IL1RL2: variants seen among roughly 807,000 people sequenced by gnomAD.
IL1RL2 encodes interleukin 1 receptor like 2, also known as interleukin-1 receptor-like 2.
In IL1RL2, 68 loss-of-function variants were observed where a neutral mutation model predicts 66.8. The ratio of observed to expected loss-of-function variants is 1.02; its 90% CI spans 0.84 to 1.25. The LOEUF is 1.25. Ranked by LOEUF, IL1RL2 falls within the 50% of genes most tolerant of loss-of-function variation. The pLI is 0.00. For missense variants in IL1RL2, 729 were observed against 709.3 expected, an observed-to-expected ratio of 1.03 and a Z score of -0.32; for synonymous variants, 305 against 264.6, an observed-to-expected ratio of 1.15 and a Z score of -1.48.
chr2:102,223,274 C>T (rs1690303364), intron 8 of IL1RL2, among the ~76,000 whole-genome samples: 1 of 152,192 alleles, frequency 6.6e-6, no homozygotes, highest in South Asian at 2.1e-4. Flanking sequence ...AAGGTTATAG[C>T]TTCTCCATTT....
chr2:102,214,711 G>T (rs1689453260), intron 6 of IL1RL2, among the ~76,000 whole-genome samples: 1 of 137,594 alleles, frequency 7.3e-6, no homozygotes, highest in Non-Finnish European at 1.7e-5. Flanking sequence ...TGTCAAAAAT[G>T]CTGGAAACAG....
rs570919159 is a variant in IL1RL2, at chr2:102,209,400, A to G, written c.650-2700A>G. Among the ~76,000 whole-genome samples, 3 of 152,358 alleles carry G rather than the reference A, an allele frequency of 2.0e-5. No individual in the cohort carries two copies. The South Asian group carries it at 6.2e-4, about 32-fold the overall frequency. On this transcript the variant is annotated intron_variant, in intron 5 of 11. Coordinates refer to ENST00000264257, the MANE Select transcript of IL1RL2 (RefSeq NM_003854.4). ...GGTCTGGGAAGGCTTCCAAGAGGAA[A>G]GGAGTTCTCAGCTGAATTTTGAAGA...
chr2:102,188,045 G>T, intron 2 of IL1RL2, 120 bp downstream of exon 2: 6 of 904,532 alleles, frequency 6.6e-6, no homozygotes, highest in South Asian at 2.7e-5. Flanking sequence ...TCCCCAGACC[G>T]CCAGGCGGAG....
At chr2:102,187,456 C>G (rs979226367) in intron 1 of IL1RL2, 1 of 994,448 alleles carries the variant, frequency 1.0e-6, no homozygotes, top group East Asian at 6.9e-5. Flanking sequence ...CCGTGCGCCG[C>G]GAGCGGGGTT....
At chr2:102,200,640 C>G (rs558718784) in intron 4 of IL1RL2, among the ~76,000 whole-genome samples, 1 of 152,180 alleles carries the variant, frequency 6.6e-6, no homozygotes, top group African/African-American at 2.4e-5. Context: ...AGCAGTCACT[C>G]TGTGGACTGC....
At chr2:102,225,782 C>A in intron 8 of IL1RL2, 116 bp from the exon 9 acceptor site, 1 of 773,694 alleles carries the variant, frequency 1.3e-6, no homozygotes, top group Non-Finnish European at 1.8e-6. Flanking sequence ...TCATTGACAT[C>A]CAAAACCTTT....
At position 102,189,251 on chromosome 2, in the gene IL1RL2, T is replaced by C. The variant is rs142912252; in HGVS notation, c.234T>C (p.Thr78=). The C allele has an allele frequency of 2.5e-5, 41 of 1,613,880 alleles. No individual in the cohort carries two copies. Among genetic ancestry groups the C allele is most frequent in the African/African-American group, 1.9e-4 (14 of 74,946 alleles). ...AGTCTAGAATTCACCAGGACGAGAC[T>C]TGGATTTTGTTTCTCCCCATGGAAT... ...IIQSRIHQDE[T]WILFLPMEWG... The change falls in exon 3 of 12, where the codon ACT becomes ACC. Residue 78 remains threonine (T), a synonymous_variant. Coordinates refer to ENST00000264257, the MANE Select transcript of IL1RL2 (RefSeq NM_003854.4).
chr2:102,201,453 G>T (rs934865001), intron 4 of IL1RL2, 103 bp from the exon 5 acceptor site: 2 of 993,332 alleles, frequency 2.0e-6, no homozygotes. Flanking sequence ...TAGCTAGCTA[G>T]CTATCTGTTG....
intron 5 of IL1RL2, 99 bp from the exon 6 acceptor site, chr2:102,212,001 G>A: frequency 1.4e-6 from 1 of 712,108 alleles, no homozygotes; most frequent in South Asian, 2.0e-5. Context: ...AGAGCTTATT[G>A]ATGGTCTGCT....
intron 5 of IL1RL2, among the ~76,000 whole-genome samples, chr2:102,209,665 G>A (rs1688992496): frequency 6.6e-6 from 1 of 152,210 alleles, no homozygotes; most frequent in Non-Finnish European, 1.5e-5. Flanking sequence ...TGCAGCCACT[G>A]AAGGGCCCTG....
intron 4 of IL1RL2, among the ~76,000 whole-genome samples, chr2:102,200,977 C>A (rs1688203570): frequency 6.6e-6 from 1 of 152,076 alleles, no homozygotes; most frequent in South Asian, 2.1e-4. Flanking sequence ...TTATTTTGGA[C>A]TTCTATAAAG....
At chr2:102,214,190 A>G (rs886807739) in intron 6 of IL1RL2, among the ~76,000 whole-genome samples, 4 of 152,198 alleles carry the variant, frequency 2.6e-5, no homozygotes, top group African/African-American at 9.6e-5. Context: ...TAGCCAATGT[A>G]TTTAGACAAT....
chr2:102,210,120 GATAAT>G (rs1689036864), intron 5 of IL1RL2, among the ~76,000 whole-genome samples: 1 of 152,196 alleles, frequency 6.6e-6, no homozygotes, highest in East Asian at 1.9e-4. Context: ...AAAGCTTTCT[GATAAT>G]AGTGATGCTG....
chr2:102,233,223 C>G, intron 10 of IL1RL2, 99 bp downstream of exon 10: 2 of 1,173,152 alleles, frequency 1.7e-6, no homozygotes, highest in Non-Finnish European at 2.4e-6. Context: ...CCTGCCTTCC[C>G]CATGGAACCA....
chr2:102,190,246 T>C (rs1469172559), intron 3 of IL1RL2, among the ~76,000 whole-genome samples: 2 of 152,224 alleles, frequency 1.3e-5, no homozygotes, highest in Non-Finnish European at 2.9e-5. Context: ...GTGTGCAACT[T>C]TTTATAATTT....
At chr2:102,234,236 C>T (rs570638966) in intron 10 of IL1RL2, among the ~76,000 whole-genome samples, 2 of 152,244 alleles carry the variant, frequency 1.3e-5, no homozygotes, top group African/African-American at 4.8e-5. Context: ...CTTTTAAAAT[C>T]TATTTTTAAA....
intron 9 of IL1RL2, among the ~76,000 whole-genome samples, chr2:102,231,385 C>G (rs1025879653): frequency 1.3e-5 from 2 of 152,162 alleles, no homozygotes; most frequent in South Asian, 4.1e-4. Context: ...ATAATCCCAG[C>G]TACTCAGGAG....
chr2:102,216,896 A>C (rs931294292), intron 6 of IL1RL2, among the ~76,000 whole-genome samples: 1 of 152,160 alleles, frequency 6.6e-6, no homozygotes, highest in African/African-American at 2.4e-5. Flanking sequence ...TGTTGCCTTA[A>C]TTCACATCAT....
chr2:102,221,514 TTC>T (rs1459622542), intron 8 of IL1RL2, among the ~76,000 whole-genome samples: 1 of 152,192 alleles, frequency 6.6e-6, no homozygotes, highest in Non-Finnish European at 1.5e-5. Flanking sequence ...CTCCTGTATC[TTC>T]CACGTTGTTC....
Sources: gnomAD v4.1 joint callset for allele counts (sites outside exome capture counted in the v4.1 genomes callset) on GRCh38, gnomAD v4.1.1 for gene constraint, MANE v1.5 for transcripts, NCBI Gene and HGNC (gene_info 2026-07-23, HGNC 2026-07-21) for gene names.